The following CLCN1 variants were observed in gnomAD, a reference collection of about 807,000 sequenced individuals.
The protein encoded by CLCN1 is chloride voltage-gated channel 1.
A neutral mutation model predicts 114.5 loss-of-function variants in CLCN1; 100 were observed. That is an observed-to-expected ratio of 0.87 (90% CI 0.74 to 1.03). The LOEUF (loss-of-function observed/expected upper bound fraction) is 1.03. Ranked by LOEUF, CLCN1 falls within the 50% of genes least tolerant of loss-of-function variation. The pLI is 0.00. For synonymous variants in CLCN1, 485 were observed against 487.1 expected (o/e 1.00, Z 0.06); for missense variants, 1,188 against 1,250.0 (o/e 0.95, Z 0.75).
chr7:143,349,598 C>T (rs1418300174), intron 20 of CLCN1, among the ~76,000 whole-genome samples: 1 of 152,218 alleles, frequency 6.6e-6, no homozygotes, highest in Admixed American at 6.5e-5. Flanking sequence ...GCCTTTGTGC[C>T]TTAATGCTTC....
At chr7:143,335,999 T>C (rs964820345) in intron 12 of CLCN1, among the ~76,000 whole-genome samples, 4 of 152,132 alleles carry the variant, frequency 2.6e-5, no homozygotes, top group African/African-American at 9.7e-5. Context: ...AGAACTTCCA[T>C]CTTCCTTAAT....
rs1303733327 is a variant in CLCN1 at position 143,339,473 on chromosome 7, A to G, written c.1472-38A>G. 2.6e-6 allele frequency: 4 copies of G among 1,526,048 alleles called. No homozygotes were observed. 94.5% of individuals were successfully genotyped at this position (1,526,048 alleles called of 1,614,324 possible). A position where few individuals can be genotyped will look rare whatever the true frequency, so the allele number is the denominator to read the frequency against. Reference sequence around the variant, plus strand: ...TGAAAACTGAGAGCAAGGAACTTGGATCTCGTAACACCTTCCTTCCTTTTA... The same window carrying G: ...TGAAAACTGAGAGCAAGGAACTTGGGTCTCGTAACACCTTCCTTCCTTTTA... On this transcript the variant is annotated intron_variant, in intron 13 of 22. Coordinates refer to ENST00000343257, the MANE Select transcript of CLCN1 (RefSeq NM_000083.3). This position sits in a 1 kb window ranked among gnomAD's most constrained non-coding sequence, Gnocchi z 4.1.
chr7:143,323,333 A>G lies in CLCN1; in HGVS notation c.721A>G (p.Ile241Val). ...KEGPFVHIAS[I>V]CAAVLSKFMS... ...GGGCCCCTTCGTCCACATTGCCAGCATCTGTGCTGCTGTCCTCAGCAAATT... is the reference window on the plus strand; with the variant it reads ...GGGCCCCTTCGTCCACATTGCCAGCGTCTGTGCTGCTGTCCTCAGCAAATT... Residue 241 changes from isoleucine to valine, a missense_variant, in exon 6 of 23, where the codon ATC (isoleucine) becomes GTC (valine). By Grantham distance (29) the Ile-to-Val change is conservative (BLOSUM62 3). Coordinates refer to ENST00000343257, the MANE Select transcript of CLCN1 (RefSeq NM_000083.3). 1 of 1,613,006 alleles carries G rather than the reference A, an allele frequency of 6.2e-7. No homozygotes were observed. Among genetic ancestry groups the G allele is most frequent in the East Asian group, 2.2e-5 (1 of 44,796 alleles).
Position 143,350,489 on chromosome 7 carries a change from C to T in CLCN1, c.2508+13C>T. On this transcript the variant is annotated intron_variant, in intron 21 of 22. Transcript: ENST00000343257. This position sits in a 1 kb window ranked among gnomAD's most constrained non-coding sequence, Gnocchi z 5.1. Reference sequence around the variant, plus strand: ...AACCCTGCACAAGGTGAGTCTTTTGCTGACTGCTCAGGGCTGTGGGGAAGG... The same window carrying T: ...AACCCTGCACAAGGTGAGTCTTTTGTTGACTGCTCAGGGCTGTGGGGAAGG... 1 of 1,611,720 alleles carries T rather than the reference C, an allele frequency of 6.2e-7. No individual in the cohort carries two copies. Among genetic ancestry groups the T allele is most frequent in the Non-Finnish European group, 8.5e-7 (1 of 1,177,794 alleles).
At chr7:143,341,787 C>A (rs2116372250) in intron 14 of CLCN1, 142 bp from the exon 15 acceptor site, 1 of 713,876 alleles carries the variant, frequency 1.4e-6, no homozygotes, top group Non-Finnish European at 2.6e-6. Context: ...ATTCTATTCC[C>A]TACTCTTGAC....
Position 143,316,404 on chromosome 7 carries a change from T to A in CLCN1, c.180+12T>A. On this transcript the variant is annotated intron_variant, in intron 1 of 22. Transcript: ENST00000343257. Reference sequence around the variant, plus strand: ...TCCACCCCACACAGGTAAAGTGCTCTAAGGGGAGAGGGGAGCCATGGATGA... The same window carrying A: ...TCCACCCCACACAGGTAAAGTGCTCAAAGGGGAGAGGGGAGCCATGGATGA... The A allele has an allele frequency of 6.2e-7, 1 of 1,610,224 alleles. No homozygotes were observed. Among genetic ancestry groups the A allele is most frequent in the South Asian group, 1.1e-5 (1 of 91,032 alleles).
chr7:143,346,139 G>A lies in CLCN1; in HGVS notation c.2173-1G>A. On this transcript the variant is annotated splice_acceptor_variant, in intron 17 of 22. Coordinates refer to ENST00000343257, the MANE Select transcript of CLCN1 (RefSeq NM_000083.3). LOFTEE classifies it high-confidence loss of function. The stretch of plus-strand genomic sequence containing the variant: ...CTGAGACTTCTTACTCTTCCTTACA[G>A]CTTCCTCCTTCCCTTGCTCTCCACC... 6.3e-7 allele frequency: 1 copy of A among 1,583,172 alleles called. No individual in the cohort carries two copies. Among genetic ancestry groups the A allele is most frequent in the African/African-American group, 1.3e-5 (1 of 74,280 alleles).
chr7:143,321,504 G>A lies in CLCN1; in HGVS notation c.562+11G>A. 6.2e-7 allele frequency: 1 copy of A among 1,613,966 alleles called. No individual in the cohort carries two copies. ...CTCCCCAGGCTGTTGGTGAGAACTT[G>A]CCACCAGACTCGGCCTGAGCTGGGT... On this transcript the variant is annotated intron_variant, in intron 4 of 22. Transcript: ENST00000343257. This position sits in a 1 kb window ranked among gnomAD's most constrained non-coding sequence, Gnocchi z 4.2.
In CLCN1 at chr7:143,331,592, A is replaced by C; in HGVS notation, c.1106A>C (p.His369Pro). ...CTGGGAGCTGTATTTGTGTATCTGCATCGCCAAGTCATGCTCGGTGTCCGA... is the reference window on the plus strand; with the variant it reads ...CTGGGAGCTGTATTTGTGTATCTGCCTCGCCAAGTCATGCTCGGTGTCCGA... Reference protein sequence around the residue: ...GLLGAVFVYLHRQVMLGVRKH... With the variant: ...GLLGAVFVYLPRQVMLGVRKH... The change falls in exon 10 of 23, where the codon CAT (histidine) becomes CCT (proline). Residue 369 changes from histidine to proline, a missense_variant. His to Pro is a moderately conservative substitution (Grantham distance 77). Transcript: ENST00000343257. The C allele has an allele frequency of 2.5e-6, 4 of 1,614,194 alleles. No individual in the cohort carries two copies. Among genetic ancestry groups the C allele is most frequent in the Non-Finnish European group, 3.4e-6 (4 of 1,180,024 alleles).
At position 143,350,218 on chromosome 7, in the gene CLCN1, G is replaced by A. The variant is rs1453613898; in HGVS notation, c.2404-154G>A. ...GAGAGGCTCTGTCCCCTGGGAAGAA[G>A]GAGGAGGTCCTCTGATCTGGGGGAT... On this transcript the variant is annotated intron_variant, in intron 20 of 22. Coordinates refer to ENST00000343257, the MANE Select transcript of CLCN1 (RefSeq NM_000083.3). This position sits in a 1 kb window ranked among gnomAD's most constrained non-coding sequence, Gnocchi z 5.1. 1.3e-5 allele frequency among the ~76,000 whole-genome samples: 2 copies of A among 152,104 alleles called. No homozygotes were observed. Among genetic ancestry groups the A allele is most frequent in the Non-Finnish European group, 2.9e-5 (2 of 68,006 alleles).
chr7:143,342,262 A>T (rs1226420712), intron 15 of CLCN1, 110 bp from the exon 16 acceptor site: 12 of 1,477,046 alleles, frequency 8.1e-6, no homozygotes, highest in Middle Eastern at 1.7e-4. Context: ...TTATATTCTC[A>T]TGCACCTAGT....
chr7:143,335,430 C>G (rs1802848735), intron 12 of CLCN1, among the ~76,000 whole-genome samples: 1 of 152,182 alleles, frequency 6.6e-6, no homozygotes, highest in African/African-American at 2.4e-5. Flanking sequence ...AAACCATTCA[C>G]TGCTACAAAT....
chr7:143,331,455 G>C (rs1041847342), intron 9 of CLCN1, 96 bp from the exon 10 acceptor site: 19 of 1,130,614 alleles, frequency 1.7e-5, no homozygotes, highest in Non-Finnish European at 2.4e-5. Context: ...AGATAGGAAA[G>C]GCAGAAGCCT....
In CLCN1 at chr7:143,346,174, C is replaced by T. The variant is rs139757692; in HGVS notation, c.2207C>T (p.Thr736Ile). Reference sequence around the variant, plus strand: ...TCCCTTGCTCTCCACCCCTCTACTACTGCCCCTCTGTCCCCAGAAGAGCCC... The same window carrying T: ...TCCCTTGCTCTCCACCCCTCTACTATTGCCCCTCTGTCCCCAGAAGAGCCC... The part of the protein sequence containing the change: ...PPSLALHPST[T>I]APLSPEEPNG... Residue 736 changes from threonine (T) to isoleucine (I), a missense_variant, in exon 18 of 23, where the codon ACT becomes ATT. By Grantham distance (89) the Thr-to-Ile change is moderately conservative (BLOSUM62 -1). Transcript: ENST00000343257. 996 of 1,613,278 alleles carry T rather than the reference C, an allele frequency of 6.2e-4. 13 individuals carry two copies. The East Asian group carries it at 0.021, about 34-fold the overall frequency.
At chr7:143,325,530 C>G (rs1015578114) in intron 7 of CLCN1, among the ~76,000 whole-genome samples, 6 of 152,220 alleles carry the variant, frequency 3.9e-5, no homozygotes, top group Admixed American at 1.3e-4. Context: ...CAGCTCTACT[C>G]ATTAAAATCA....
intron 20 of CLCN1, among the ~76,000 whole-genome samples, chr7:143,349,201 A>G (rs1022979634): frequency 1.3e-5 from 2 of 152,240 alleles, no homozygotes; most frequent in African/African-American, 2.4e-5. Flanking sequence ...CCCCCGTCCT[A>G]TACCTAAATC....
Position 143,324,364 on chromosome 7 carries a change from C to CCCACCTCCCTCTCTT in CLCN1, c.775-43_775-29dup, listed in dbSNP as rs781581811. The CCCACCTCCCTCTCTT allele has an allele frequency of 5.0e-6, 7 of 1,391,888 alleles. No individual in the cohort carries two copies. The highest frequency in any genetic ancestry group is 7.2e-6 in the Non-Finnish European group (7 of 978,168). 86.2% of individuals were successfully genotyped at this position (1,391,888 alleles called of 1,614,324 possible). The stretch of plus-strand genomic sequence containing the variant: ...CCCTGCTTGTTCTGTCCTCTGCCTG[C>CCCACCTCCCTCTCTT]CCACCTCCCTCTCTTCCACCTGTTT... On this transcript the variant is annotated intron_variant, in intron 6 of 22. Transcript: ENST00000343257. This position sits in a 1 kb window ranked among gnomAD's most constrained non-coding sequence, Gnocchi z 4.6.
chr7:143,320,636 G>A (rs1160241866), intron 2 of CLCN1, 28 bp from the exon 3 acceptor site: 4 of 1,594,290 alleles, frequency 2.5e-6, no homozygotes, highest in African/African-American at 1.4e-5. Flanking sequence ...TTGTTTGTTT[G>A]TTTGTTTTTT....
intron 18 of CLCN1, 38 bp downstream of exon 18, chr7:143,346,289 G>A (rs773719562): frequency 3.1e-5 from 42 of 1,376,032 alleles, no homozygotes; most frequent in Non-Finnish European, 4.2e-5. Flanking sequence ...CTCACCCCTT[G>A]TGGGTTCTCT....
Sources: gnomAD v4.1 joint callset for allele counts (sites outside exome capture counted in the v4.1 genomes callset) on GRCh38, gnomAD v4.1.1 for gene constraint, Gnocchi (gnomAD v3.1) non-coding constraint, MANE v1.5 for transcripts, NCBI Gene and HGNC (gene_info 2026-07-23, HGNC 2026-07-21) for gene names.